MAST4: variants seen among roughly 807,000 people sequenced by gnomAD.
MAST4 encodes the protein microtubule-associated serine/threonine-protein kinase 4.
In MAST4, 89 loss-of-function variants were observed where a neutral mutation model predicts 162.7. The observed-to-expected ratio is 0.55, with a 90% confidence interval of 0.46 to 0.65. MAST4 has a LOEUF of 0.65. Among genes scored for constraint, MAST4 ranks in the 30% least tolerant of loss-of-function variants. The pLI, the probability that MAST4 is intolerant of heterozygous loss-of-function variation, is 0.00. For missense variants in MAST4, 3,153 were observed against 3,374.0 expected, an observed-to-expected ratio of 0.93 and a Z score of 1.62; for synonymous variants, 1,479 against 1,361.1, an observed-to-expected ratio of 1.09 and a Z score of -1.91.
chr5:66,857,236 A>AT (rs1473387327), intron 3 of MAST4, among the ~76,000 whole-genome samples: 1 of 152,170 alleles, frequency 6.6e-6, no homozygotes, highest in African/African-American at 2.4e-5. Flanking sequence ...TAGTTCATTC[A>AT]TTTTAAGTGC....
chr5:66,884,305 G>T (rs1761899067), intron 3 of MAST4, among the ~76,000 whole-genome samples: 1 of 152,134 alleles, frequency 6.6e-6, no homozygotes, highest in Non-Finnish European at 1.5e-5. Context: ...TTAATTAGGT[G>T]TTTCTCAAAC....
chr5:66,774,772 A>G (rs1296371784), intron 2 of MAST4, among the ~76,000 whole-genome samples: 1 of 152,238 alleles, frequency 6.6e-6, no homozygotes, highest in Non-Finnish European at 1.5e-5. Context: ...TAATATTTTT[A>G]GTATCCAGTG....
chr5:67,166,049 T>TG lies in MAST4; in HGVS notation c.6872dup (p.Gly2292TrpfsTer22). 1.2e-6 allele frequency: 2 copies of TG among 1,613,710 alleles called. No individual in the cohort carries two copies. The highest frequency in any genetic ancestry group is 1.7e-6 in the Non-Finnish European group (2 of 1,179,802). ...TAGACGCCAAGCCACAACCCACCAG[T>TG]GGTGGGCGGCCCCTGGAGGTGCTGG... On this transcript the variant is annotated frameshift_variant, in exon 29 of 29. Transcript: ENST00000403625. LOFTEE classifies it low-confidence loss of function (END_TRUNC).
intron 1 of MAST4, among the ~76,000 whole-genome samples, chr5:66,689,278 A>G (rs902386052): frequency 1.3e-5 from 2 of 152,102 alleles, no homozygotes; most frequent in African/African-American, 4.8e-5. Flanking sequence ...CTCCTGAAAC[A>G]TCTTGTGAGC....
chr5:66,767,170 C>CAT (rs1554050620), intron 2 of MAST4, among the ~76,000 whole-genome samples: 11 of 139,482 alleles, frequency 7.9e-5, no homozygotes, highest in Non-Finnish European at 1.5e-4. Flanking sequence ...GTAAAGTGCA[C>CAT]GTGTGTGTGT....
chr5:67,144,982 G>T (rs1232253413), intron 22 of MAST4, among the ~76,000 whole-genome samples, 162 bp from the exon 23 acceptor site: 3 of 152,146 alleles, frequency 2.0e-5, no homozygotes, highest in African/African-American at 7.2e-5. Context: ...TCTAGATTAT[G>T]CAGATGTTGC....
intron 4 of MAST4, among the ~76,000 whole-genome samples, chr5:66,926,558 T>TC (rs1561451910): frequency 7.4e-5 from 8 of 108,782 alleles, no homozygotes; most frequent in East Asian, 2.4e-4. Context: ...CTTTCTCTCT[T>TC]TCTCTCTCTA....
chr5:66,687,626 G>T (rs1748763425), intron 1 of MAST4, among the ~76,000 whole-genome samples: 1 of 128,512 alleles, frequency 7.8e-6, no homozygotes, highest in South Asian at 2.8e-4. Context: ...ATACATAGAT[G>T]TGTGTGTGTT....
In MAST4 at chr5:67,108,843, A is replaced by G. The variant is rs571513812; in HGVS notation, c.1357-1255A>G. On this transcript the variant is annotated intron_variant, in intron 10 of 28. Transcript: ENST00000403625. ...GGATTGTTCCTTGTCATGGTAAAGC[A>G]CCTTCAAGAACGATTGTAAATGTTT... Among the ~76,000 whole-genome samples the G allele has an allele frequency of 3.3e-5, 5 of 152,260 alleles. No individual in the cohort carries two copies. The South Asian group carries it at 1.0e-3, about 32-fold the overall frequency.
At chr5:67,090,997 G>A (rs1239833735) in intron 6 of MAST4, among the ~76,000 whole-genome samples, 1 of 151,868 alleles carries the variant, frequency 6.6e-6, no homozygotes, top group Admixed American at 6.6e-5. Flanking sequence ...GGCACCTTCA[G>A]CCAAGTTTCT....
At chr5:66,834,095 A>G (rs775480894) in intron 3 of MAST4, among the ~76,000 whole-genome samples, 2 of 152,216 alleles carry the variant, frequency 1.3e-5, no homozygotes, top group Non-Finnish European at 2.9e-5. Context: ...ATTTTAAGTA[A>G]TTAAATACGG....
At chr5:67,060,516 C>T (rs144504677) in intron 5 of MAST4, among the ~76,000 whole-genome samples, 68 of 132,738 alleles carry the variant, frequency 5.1e-4, no homozygotes, top group African/African-American at 1.8e-3. Context: ...CTTGCTCTGT[C>T]GCCCAGGCTG....
chr5:66,852,985 C>A (rs1759424638), intron 3 of MAST4, among the ~76,000 whole-genome samples: 1 of 152,190 alleles, frequency 6.6e-6, no homozygotes, highest in Admixed American at 6.5e-5. Context: ...GGATGGTACA[C>A]CCTGGTCAAA....
chr5:66,775,313 A>G (rs949499858), intron 2 of MAST4, among the ~76,000 whole-genome samples: 14 of 152,086 alleles, frequency 9.2e-5, no homozygotes, highest in African/African-American at 2.7e-4. Flanking sequence ...AACTCAGCCC[A>G]CTGATTTCCC....
At chr5:66,798,779 A>C (rs1755777592) in intron 3 of MAST4, among the ~76,000 whole-genome samples, 1 of 152,156 alleles carries the variant, frequency 6.6e-6, no homozygotes, top group South Asian at 2.1e-4. Context: ...ATTGCCTGTA[A>C]CCAACTTGTT....
chr5:67,114,610 A>G (rs1203730105), intron 12 of MAST4: 1 of 183,924 alleles, frequency 5.4e-6, no homozygotes, highest in Non-Finnish European at 1.1e-5. Flanking sequence ...TTAAACTGAC[A>G]TTTAAATTTA....
intron 10 of MAST4, among the ~76,000 whole-genome samples, chr5:67,107,213 G>A (rs150233815): frequency 6.2e-4 from 95 of 152,220 alleles, no homozygotes; most frequent in African/African-American, 2.3e-3. Flanking sequence ...GAAAAGGGTA[G>A]GATTGCTATC....
At chr5:66,756,059 A>T (rs557249760) in intron 1 of MAST4, among the ~76,000 whole-genome samples, 2 of 152,208 alleles carry the variant, frequency 1.3e-5, no homozygotes, top group African/African-American at 4.8e-5. Flanking sequence ...CCTTGGTTAT[A>T]TACCTTTTAT....
At position 67,153,500 on chromosome 5, in the gene MAST4, G is replaced by T. The variant is rs753044444; in HGVS notation, c.3568G>T (p.Ala1190Ser). Residue 1190 changes from alanine to serine, a missense_variant, in exon 26 of 29, where the codon GCT becomes TCT. By Grantham distance (99) the Ala-to-Ser change is moderately conservative (BLOSUM62 1). Around this residue, in one of 7 missense-constraint regions of MAST4, gnomAD observed 619 missense variants for 744.2 expected, o/e 0.83. Transcript: ENST00000403625. The stretch of plus-strand genomic sequence containing the variant: ...TCCGGCATGCCAGGCAGGACTGAAG[G>T]CTGGAGATCTTATCACTCACATCAA... ...GSPACQAGLK[A>S]GDLITHINGE... 5.6e-5 allele frequency: 90 copies of T among 1,603,878 alleles called. No individual in the cohort carries two copies. Among genetic ancestry groups the T allele is most frequent in the Non-Finnish European group, 7.5e-5 (88 of 1,174,944 alleles).
Sources: allele counts gnomAD v4.1 joint callset (sites outside exome capture counted in the v4.1 genomes callset), GRCh38; gene constraint gnomAD v4.1.1; regional missense constraint gnomAD v4.1.1; transcripts MANE v1.5; gene names NCBI Gene and HGNC (gene_info 2026-07-23, HGNC 2026-07-21).